Variants in PRIM1 observed in about 807,000 individuals in gnomAD.
The protein encoded by PRIM1 is DNA primase small subunit.
A neutral mutation model predicts 60.2 loss-of-function variants in PRIM1; 38 were observed. The ratio of observed to expected loss-of-function variants is 0.63; its 90% CI spans 0.49 to 0.83. The LOEUF is 0.83. Ranked by LOEUF, PRIM1 falls within the 40% of genes least tolerant of loss-of-function variation. PRIM1 has a pLI of 0.00. For synonymous variants in PRIM1, 158 were observed against 160.2 expected (o/e 0.99, Z 0.10); for missense variants, 388 against 506.2 (o/e 0.77, Z 2.24).
At position 56,738,538 on chromosome 12, in the gene PRIM1, G is replaced by A. The variant is rs1953850390; in HGVS notation, c.1053-13C>T. 6.4e-7 allele frequency: 1 copy of A among 1,562,546 alleles called. No individual in the cohort carries two copies. Among genetic ancestry groups the A allele is most frequent in the Non-Finnish European group, 8.7e-7 (1 of 1,152,686 alleles). On this transcript the variant is annotated splice_polypyrimidine_tract_variant and intron_variant, in intron 10 of 12. Coordinates refer to ENST00000338193, the MANE Select transcript of PRIM1 (RefSeq NM_000946.3). ...ACGGCAGATGAAGCTGCAAGTAACAGAACAAGAGAATTTTGTTTTTGTTTT... is the reference window on the plus strand; with the variant it reads ...ACGGCAGATGAAGCTGCAAGTAACAAAACAAGAGAATTTTGTTTTTGTTTT...
intron 11 of PRIM1, among the ~76,000 whole-genome samples, chr12:56,734,597 C>T (rs952344905): frequency 6.7e-6 from 1 of 148,784 alleles, no homozygotes; most frequent in African/African-American, 2.5e-5. Flanking sequence ...TTTGTAGAGA[C>T]GAGGTCTCAC....
chr12:56,734,814 C>CT (rs568265117), intron 11 of PRIM1, among the ~76,000 whole-genome samples: 3,227 of 126,976 alleles, frequency 0.025, 160 homozygotes, highest in African/African-American at 0.087. Flanking sequence ...CATATATTTT[C>CT]TTTTTTTTTT....
chr12:56,731,679 C>T lies in PRIM1; in HGVS notation c.*36G>A. On this transcript the variant is annotated 3_prime_UTR_variant, in exon 13 of 13. Coordinates refer to ENST00000338193, the MANE Select transcript of PRIM1 (RefSeq NM_000946.3). ...GAAGTATTTGATCTGTGGTTGAAGG[C>T]AGAAGATATCCACAATGGTTTGAGG... The T allele has an allele frequency of 6.7e-7, 1 of 1,492,852 alleles. No individual in the cohort carries two copies. The highest frequency in any genetic ancestry group is 2.1e-5 in the Admixed American group (1 of 48,738). The allele number at this position is 1,492,852 out of a possible 1,614,324, so 92.5% of individuals were successfully genotyped here.
intron 1 of PRIM1, 139 bp from the exon 2 acceptor site, chr12:56,751,334 C>G: frequency 1.7e-6 from 1 of 571,530 alleles, no homozygotes. Flanking sequence ...GACTGGAGTG[C>G]AGTGGCTCGA....
At position 56,746,863 on chromosome 12, in the gene PRIM1, G is replaced by A; in HGVS notation, c.369-9C>T. The stretch of plus-strand genomic sequence containing the variant: ...GACATATGTCTGCAGAACTAAAGCA[G>A]AGTCATCATTACTCATTGTCAGTGA... On this transcript the variant is annotated splice_polypyrimidine_tract_variant and intron_variant, in intron 3 of 12. Transcript: ENST00000338193. 1 of 1,613,750 alleles carries A rather than the reference G, an allele frequency of 6.2e-7. No homozygotes were observed. The highest frequency in any genetic ancestry group is 1.1e-5 in the South Asian group (1 of 91,030).
At position 56,734,255 on chromosome 12, in the gene PRIM1, G is replaced by T. The variant is rs1953806641; in HGVS notation, c.1145-10C>A. ...CTGGTCTTCTTATAATCTAAATTAT[G>T]AAGAATGTACATTATAATTAGCATA... On this transcript the variant is annotated splice_polypyrimidine_tract_variant and intron_variant, in intron 11 of 12. Coordinates refer to ENST00000338193, the MANE Select transcript of PRIM1 (RefSeq NM_000946.3). The T allele has an allele frequency of 1.3e-6, 2 of 1,491,868 alleles. No individual in the cohort carries two copies. The allele number at this position is 1,491,868 out of a possible 1,614,324, so 92.4% of individuals were successfully genotyped here.
Position 56,751,192 on chromosome 12 carries a change from A to C in PRIM1, c.107T>G (p.Ile36Arg). 1 of 1,533,714 alleles carries C rather than the reference A, an allele frequency of 6.5e-7. No individual in the cohort carries two copies. Among genetic ancestry groups the C allele is most frequent in the Non-Finnish European group, 8.8e-7 (1 of 1,135,954 alleles). ...TTCACGGTGTTGAAAGTAATTCTTT[A>C]TCACTGCAAAATAAATGTACATTTT... is the stretch of plus-strand genomic sequence containing the variant. ...YYRWLNYGGV[I>R]KNYFQHREFS... is the part of the protein sequence containing the mutation. The change falls in exon 2 of 13, where the codon ATA (isoleucine) becomes AGA (arginine). Residue 36 changes from isoleucine to arginine, a missense_variant. Transcript: ENST00000338193.
At chr12:56,743,965 A>G in intron 6 of PRIM1, 100 bp downstream of exon 6, 1 of 782,194 alleles carries the variant, frequency 1.3e-6, no homozygotes, top group South Asian at 1.8e-5. Context: ...TTATTATTAT[A>G]AAATGCTACC....
In PRIM1 at chr12:56,752,274, G is replaced by A; in HGVS notation, c.25C>T (p.Leu9=). 7 of 1,590,422 alleles carry A rather than the reference G, an allele frequency of 4.4e-6. No individual in the cohort carries two copies. Among genetic ancestry groups the A allele is most frequent in the Non-Finnish European group, 6.0e-6 (7 of 1,168,166 alleles). ...TAATAAAGTTTAAGCAGCTCGGGCA[G>A]CTCGGTGGGGTCAAACGTCTCCATT... is the stretch of plus-strand genomic sequence containing the variant. METFDPTE[L]PELLKLYYRR... Residue 9 remains leucine (L), a synonymous_variant, in exon 1 of 13, where the codon CTG becomes TTG. Transcript: ENST00000338193.
At chr12:56,748,490 G>A (rs955553432) in intron 2 of PRIM1, among the ~76,000 whole-genome samples, 7 of 151,964 alleles carry the variant, frequency 4.6e-5, no homozygotes, top group Non-Finnish European at 8.8e-5. Context: ...AGCCAGGCGT[G>A]GTGGCACACA....
At chr12:56,731,980 C>T (rs1387710461) in intron 12 of PRIM1, among the ~76,000 whole-genome samples, 1 of 152,180 alleles carries the variant, frequency 6.6e-6, no homozygotes, top group Non-Finnish European at 1.5e-5. Context: ...AGTTGTTGTT[C>T]ATCCAATAAT....
At chr12:56,748,037 T>C (rs1012376246) in intron 2 of PRIM1, among the ~76,000 whole-genome samples, 2 of 151,840 alleles carry the variant, frequency 1.3e-5, no homozygotes, top group African/African-American at 4.8e-5. Flanking sequence ...GTTCAAAGCA[T>C]AGTTAAGAAG....
rs1194932333 is a variant in PRIM1 at position 56,743,071 on chromosome 12, AT to A, written c.663del (p.Lys221AsnfsTer24). On this transcript the variant is annotated frameshift_variant, in exon 7 of 13. Coordinates refer to ENST00000338193, the MANE Select transcript of PRIM1 (RefSeq NM_000946.3). LOFTEE classifies it high-confidence loss of function. The stretch of plus-strand genomic sequence containing the variant: ...TTAACCAAGGCATATTCTTCAAAGT[AT>A]TTTTTTATTATGTTTATAGATTTTC... ...FIRKSINIIK[K>X]YFEEYALVNQ... 9 of 1,527,112 alleles carry A rather than the reference AT, an allele frequency of 5.9e-6. No individual in the cohort carries two copies. The highest frequency in any genetic ancestry group is 1.4e-5 in the African/African-American group (1 of 71,180). The allele number at this position is 1,527,112 out of a possible 1,614,324, so 94.6% of individuals were successfully genotyped here.
rs909760990 is a variant in PRIM1 at position 56,752,276 on chromosome 12, T to C, written c.23A>G (p.Glu8Gly). Residue 8 changes from glutamate to glycine, a missense_variant, in exon 1 of 13, where the codon GAG (glutamate) becomes GGG (glycine). Around this residue, in one of 3 missense-constraint regions of PRIM1, gnomAD observed 156 missense variants for 175.8 expected, o/e 0.89. Transcript: ENST00000338193. ...ATAAAGTTTAAGCAGCTCGGGCAGC[T>C]CGGTGGGGTCAAACGTCTCCATTGA... The part of the protein sequence containing the change: METFDPT[E>G]LPELLKLYYR... The C allele has an allele frequency of 8.2e-6, 13 of 1,586,992 alleles. No individual in the cohort carries two copies. Among genetic ancestry groups the C allele is most frequent in the Non-Finnish European group, 1.1e-5 (13 of 1,166,836 alleles).
intron 6 of PRIM1, 43 bp from the exon 7 acceptor site, chr12:56,743,139 A>T: frequency 6.8e-7 from 1 of 1,471,380 alleles, no homozygotes; most frequent in Non-Finnish European, 8.9e-7. Flanking sequence ...CACTATCAGT[A>T]ACACATATGC....
intron 4 of PRIM1, 194 bp from the exon 5 acceptor site, chr12:56,746,375 G>A (rs1280109974): frequency 5.3e-6 from 4 of 758,436 alleles, no homozygotes; most frequent in African/African-American, 3.4e-5. Flanking sequence ...GCTCACGCCT[G>A]TAATCCCAGC....
At chr12:56,745,459 CA>C (rs1363979896) in intron 5 of PRIM1, among the ~76,000 whole-genome samples, 3 of 151,532 alleles carry the variant, frequency 2.0e-5, no homozygotes, top group African/African-American at 7.3e-5. Flanking sequence ...AAACCAAAAC[CA>C]AAACCAAACT....
intron 4 of PRIM1, 31 bp downstream of exon 4, chr12:56,746,750 T>A: frequency 6.2e-7 from 1 of 1,601,916 alleles, no homozygotes; most frequent in Non-Finnish European, 8.5e-7. Flanking sequence ...ATTCTTACAC[T>A]TGACCCCATT....
intron 1 of PRIM1, 124 bp from the exon 2 acceptor site, chr12:56,751,319 G>A (rs572447666): frequency 9.2e-5 from 62 of 673,194 alleles, no homozygotes; most frequent in Non-Finnish European, 1.3e-4. Flanking sequence ...CTGCTCTGTC[G>A]CCCAGACTGG....
Sources: gnomAD v4.1 joint callset for allele counts (sites outside exome capture counted in the v4.1 genomes callset) on GRCh38, gnomAD v4.1.1 for gene constraint, gnomAD v4.1.1 regional missense constraint, MANE v1.5 for transcripts, NCBI Gene and HGNC (gene_info 2026-07-23, HGNC 2026-07-21) for gene names.